AMN1: variants seen among roughly 807,000 people sequenced by gnomAD.
The protein encoded by AMN1 is antagonist of mitotic exit network 1 homolog.
Under a neutral mutation model 33.0 loss-of-function variants are expected in AMN1, and 20 were observed. That is an observed-to-expected ratio of 0.61 (90% CI 0.43 to 0.88). The LOEUF (loss-of-function observed/expected upper bound fraction) is 0.88. Among genes scored for constraint, AMN1 ranks in the 40% least tolerant of loss-of-function variants. The pLI, the probability that AMN1 is intolerant of heterozygous loss-of-function variation, is 0.00. For synonymous variants in AMN1, 114 were observed against 111.9 expected (o/e 1.02, Z -0.12); for missense variants, 246 against 307.4 (o/e 0.80, Z 1.49).
intron 5 of AMN1, among the ~76,000 whole-genome samples, chr12:31,693,299 G>C (rs112933185): frequency 6.6e-6 from 1 of 151,782 alleles, no homozygotes; most frequent in Admixed American, 6.6e-5. Flanking sequence ...GTGCAATTGC[G>C]TGATCTTAGC....
intron 6 of AMN1, chr12:31,672,941 G>T (rs1951313425): frequency 6.6e-6 from 1 of 152,458 alleles, no homozygotes; most frequent in Non-Finnish European, 1.5e-5. Context: ...TATAAAGCAT[G>T]ATTTTAAATA....
intron 5 of AMN1, among the ~76,000 whole-genome samples, chr12:31,689,827 G>C (rs1938425834): frequency 6.6e-6 from 1 of 152,096 alleles, no homozygotes; most frequent in Non-Finnish European, 1.5e-5. Flanking sequence ...GTTCTTTAGT[G>C]GTCATTTGTG....
chr12:31,693,179 T>C lies in AMN1; in HGVS notation c.592-4061A>G, dbSNP rs568273294. Among the ~76,000 whole-genome samples the C allele has an allele frequency of 3.3e-5, 5 of 152,308 alleles. No homozygotes were observed. The East Asian group carries it at 5.8e-4, about 18-fold the overall frequency. ...AACCTCCCAAGTTGAAGGAGATCAA[T>C]TGATCTCCCCACTCCAGACTCCTGA... On this transcript the variant is annotated intron_variant, in intron 5 of 6. Coordinates refer to ENST00000281471, the MANE Select transcript of AMN1 (RefSeq NM_001113402.2).
intron 6 of AMN1, among the ~76,000 whole-genome samples, chr12:31,684,248 T>C (rs1309811361): frequency 6.6e-6 from 1 of 152,140 alleles, no homozygotes; most frequent in African/African-American, 2.4e-5. Flanking sequence ...AAGTTCCACA[T>C]TGCAACAACC....
chr12:31,696,356 C>A (rs1938727646), intron 5 of AMN1, among the ~76,000 whole-genome samples: 5 of 151,946 alleles, frequency 3.3e-5, no homozygotes, highest in Admixed American at 2.0e-4. Flanking sequence ...AGGGATCCTC[C>A]TGCCTCAGCC....
chr12:31,706,034 C>T (rs557617091), intron 2 of AMN1, among the ~76,000 whole-genome samples: 8 of 152,182 alleles, frequency 5.3e-5, no homozygotes, highest in Admixed American at 1.3e-4. Context: ...CTTTCTTGGC[C>T]GGGCGCGGTG....
At chr12:31,675,626 C>A (rs2139648986) in intron 6 of AMN1, among the ~76,000 whole-genome samples, 1 of 151,502 alleles carries the variant, frequency 6.6e-6, no homozygotes, top group South Asian at 2.1e-4. Flanking sequence ...TCCCGAGTAG[C>A]TGGGATTACA....
At chr12:31,684,443 A>T (rs1298207286) in intron 6 of AMN1, among the ~76,000 whole-genome samples, 2 of 152,122 alleles carry the variant, frequency 1.3e-5, no homozygotes, top group African/African-American at 4.8e-5. Flanking sequence ...AAATATACAT[A>T]AACAAAAACT....
At chr12:31,680,932 A>G (rs1937983323) in intron 6 of AMN1, among the ~76,000 whole-genome samples, 1 of 152,174 alleles carries the variant, frequency 6.6e-6, no homozygotes, top group Non-Finnish European at 1.5e-5. Flanking sequence ...CACAAACACA[A>G]CCAGCATTTA....
intron 5 of AMN1, among the ~76,000 whole-genome samples, chr12:31,697,119 G>A (rs945252064): frequency 5.9e-5 from 9 of 151,944 alleles, no homozygotes; most frequent in African/African-American, 2.2e-4. Flanking sequence ...TCTGTTAGAA[G>A]CTAAAACTTC....
Position 31,709,135 on chromosome 12 carries a change from A to G in AMN1, c.171+158T>C, listed in dbSNP as rs773135331. 4 of 795,404 alleles carry G rather than the reference A, an allele frequency of 5.0e-6. No individual in the cohort carries two copies. The Admixed American group carries it at 6.2e-5, about 12-fold the overall frequency. The allele number at this position is 795,404 out of a possible 1,614,324, so 49.3% of individuals were successfully genotyped here. A position where few individuals can be genotyped will look rare whatever the true frequency, so the allele number is the denominator to read the frequency against. ...GGTTGCAGTGAGCTGAGATTGCACC[A>G]CTGTACTCCAGCCTGGGCAACGGAG... On this transcript the variant is annotated intron_variant, in intron 2 of 6. Transcript: ENST00000281471.
intron 1 of AMN1, chr12:31,719,191 C>T (rs1226783318): frequency 1.3e-5 from 3 of 231,392 alleles, no homozygotes; most frequent in African/African-American, 7.0e-5. Flanking sequence ...CACTGTTCAA[C>T]CAGTCCCAGT....
chr12:31,678,069 C>T (rs1165145701), intron 6 of AMN1, among the ~76,000 whole-genome samples: 1 of 152,220 alleles, frequency 6.6e-6, no homozygotes, highest in Non-Finnish European at 1.5e-5. Context: ...CACATCTCTA[C>T]ATGGCTGTCC....
chr12:31,726,493 G>A (rs554256261), intron 1 of AMN1, among the ~76,000 whole-genome samples: 2 of 152,212 alleles, frequency 1.3e-5, no homozygotes, highest in Non-Finnish European at 2.9e-5. Flanking sequence ...CTCTTTCCTC[G>A]GTCCCTCTAT....
chr12:31,715,900 T>G (rs10844001), intron 1 of AMN1: 146,776 of 152,384 alleles, frequency 0.96, 70,945 homozygotes, highest in East Asian at 1. Context: ...TTTATAAAAT[T>G]TAAGAGTAGT....
At chr12:31,707,723 T>C (rs1277509051) in intron 2 of AMN1, among the ~76,000 whole-genome samples, 2 of 152,156 alleles carry the variant, frequency 1.3e-5, no homozygotes, top group Admixed American at 6.5e-5. Flanking sequence ...ATAAACCTTT[T>C]TGCTTGGATT....
rs957269210 is a variant in AMN1 at position 31,697,337 on chromosome 12, T to A, written c.591+24A>T. The A allele has an allele frequency of 3.1e-6, 5 of 1,595,480 alleles. No homozygotes were observed. In the African/African-American group the frequency reaches 6.7e-5, roughly 21 times the overall value. ...GAATATAAAAATTTAATCACCACCA[T>A]CTTTATAATTGTTTTAAAATTACCT... is the stretch of plus-strand genomic sequence containing the variant. On this transcript the variant is annotated intron_variant, in intron 5 of 6. Transcript: ENST00000281471.
chr12:31,709,164 G>T, intron 2 of AMN1, 129 bp downstream of exon 2: 1 of 1,026,738 alleles, frequency 9.7e-7, no homozygotes, highest in Non-Finnish European at 1.4e-6. Context: ...AACGGAGCAT[G>T]ACCCTGTATA....
chr12:31,687,756 G>T lies in AMN1; in HGVS notation c.703+1251C>A, dbSNP rs552884040. Among the ~76,000 whole-genome samples the T allele has an allele frequency of 1.1e-3, 161 of 152,164 alleles. No homozygotes were observed. The highest frequency in any genetic ancestry group is 3.9e-3 in the African/African-American group (160 of 41,518). On this transcript the variant is annotated intron_variant, in intron 6 of 6. Coordinates refer to ENST00000281471, the MANE Select transcript of AMN1 (RefSeq NM_001113402.2). The surrounding 1 kb of genome is among the most constrained non-coding windows in gnomAD (Gnocchi z 4.1). ...TAAGAAAAATGAGCTGGAAGGACTG[G>T]GCATAACTACTGATTTACAAGTTAG...
Sources: allele counts gnomAD v4.1 joint callset (sites outside exome capture counted in the v4.1 genomes callset), GRCh38; gene constraint gnomAD v4.1.1; non-coding constraint Gnocchi (gnomAD v3.1); transcripts MANE v1.5; gene names NCBI Gene and HGNC (gene_info 2026-07-23, HGNC 2026-07-21).